ST6GALNAC5: variants seen among roughly 807,000 people sequenced by gnomAD.
ST6GALNAC5 encodes the protein alpha-N-acetylgalactosaminide alpha-2,6-sialyltransferase 5.
In ST6GALNAC5, 27 loss-of-function variants were observed where a neutral mutation model predicts 33.6. The observed-to-expected ratio is 0.80, with a 90% confidence interval of 0.59 to 1.11. The LOEUF is 1.11. Ranked by LOEUF, ST6GALNAC5 falls within the 50% of genes least tolerant of loss-of-function variation. ST6GALNAC5 has a pLI of 0.00. For synonymous variants in ST6GALNAC5, 194 were observed against 171.2 expected (o/e 1.13, Z -1.04); for missense variants, 428 against 454.0 (o/e 0.94, Z 0.52).
rs183457607 is a variant in ST6GALNAC5 at position 76,916,215 on chromosome 1, G to C, written c.261+47473G>C. 2.0e-3 allele frequency among the ~76,000 whole-genome samples: 304 copies of C among 152,256 alleles called. 3 individuals are homozygous for C. Among genetic ancestry groups the C allele is most frequent in the Non-Finnish European group, 9.9e-4 (67 of 68,012 alleles). ...AGTTTGCAGGTAGGAAGCTGGTACG[G>C]ATGACACAACTGGGACAGACTGGAC... is the stretch of plus-strand genomic sequence containing the variant. On this transcript the variant is annotated intron_variant, in intron 2 of 4. Transcript: ENST00000477717.
At chr1:76,908,773 A>G (rs1646886443) in intron 2 of ST6GALNAC5, among the ~76,000 whole-genome samples, 1 of 152,102 alleles carries the variant, frequency 6.6e-6, no homozygotes, top group Non-Finnish European at 1.5e-5. Context: ...TCATCCTTGC[A>G]TCTTCAAAGC....
At chr1:77,002,480 CT>C (rs1650213407) in intron 2 of ST6GALNAC5, among the ~76,000 whole-genome samples, 1 of 151,818 alleles carries the variant, frequency 6.6e-6, no homozygotes, top group South Asian at 2.1e-4. Context: ...TTTTTTGTGT[CT>C]CTATTTCCTT....
chr1:77,039,227 C>T (rs1651754986), intron 2 of ST6GALNAC5, among the ~76,000 whole-genome samples: 1 of 152,216 alleles, frequency 6.6e-6, no homozygotes, highest in Admixed American at 6.5e-5. Context: ...TGTGCATTTT[C>T]CTGGGCATTT....
chr1:77,012,441 G>A (rs780731283), intron 2 of ST6GALNAC5, among the ~76,000 whole-genome samples: 3 of 152,182 alleles, frequency 2.0e-5, no homozygotes, highest in Admixed American at 6.5e-5. Context: ...CCCAACCTGG[G>A]AGTGGGAGGA....
chr1:76,932,250 T>A (rs1248087964), intron 2 of ST6GALNAC5, among the ~76,000 whole-genome samples: 1 of 152,082 alleles, frequency 6.6e-6, no homozygotes, highest in African/African-American at 2.4e-5. Flanking sequence ...AAAGAGTAAT[T>A]GTTAAAGTGA....
intron 2 of ST6GALNAC5, among the ~76,000 whole-genome samples, chr1:76,953,847 A>G (rs1044718206): frequency 3.3e-5 from 5 of 152,114 alleles, no homozygotes; most frequent in African/African-American, 1.2e-4. Flanking sequence ...GTTTTAAATC[A>G]AGGTTCATTT....
At chr1:76,895,626 C>T (rs1024810097) in intron 2 of ST6GALNAC5, among the ~76,000 whole-genome samples, 1 of 152,006 alleles carries the variant, frequency 6.6e-6, no homozygotes, top group African/African-American at 2.4e-5. Context: ...TATTTATTTA[C>T]TTCAAGAGTT....
intron 2 of ST6GALNAC5, among the ~76,000 whole-genome samples, chr1:76,875,664 TG>T (rs1185033894): frequency 2.0e-5 from 3 of 152,148 alleles, no homozygotes; most frequent in East Asian, 3.9e-4. Context: ...GCAAAACTTT[TG>T]CTAGTGGATC....
At chr1:77,041,916 A>G (rs1278417852) in intron 2 of ST6GALNAC5, among the ~76,000 whole-genome samples, 1 of 152,206 alleles carries the variant, frequency 6.6e-6, no homozygotes, top group Non-Finnish European at 1.5e-5. Flanking sequence ...CTGAATTTCT[A>G]AGAGGCAGGA....
intron 4 of ST6GALNAC5, among the ~76,000 whole-genome samples, chr1:77,053,496 T>C (rs576489155): frequency 6.6e-6 from 1 of 152,292 alleles, no homozygotes; most frequent in Admixed American, 6.5e-5. Context: ...CGTAGTGCTA[T>C]AGTAAAGGGT....
chr1:77,038,581 C>T (rs1651733736), intron 2 of ST6GALNAC5, among the ~76,000 whole-genome samples: 1 of 152,198 alleles, frequency 6.6e-6, no homozygotes, highest in African/African-American at 2.4e-5. Context: ...TATTGCCATG[C>T]TGCAAATGTT....
chr1:76,870,874 A>C (rs559419754), intron 2 of ST6GALNAC5, among the ~76,000 whole-genome samples: 31 of 152,330 alleles, frequency 2.0e-4, no homozygotes, highest in Non-Finnish European at 3.8e-4. Flanking sequence ...CAAGCAAAGG[A>C]AGAAAGGCAT....
At chr1:76,916,162 C>CGGA (rs1442559498) in intron 2 of ST6GALNAC5, among the ~76,000 whole-genome samples, 1 of 152,060 alleles carries the variant, frequency 6.6e-6, no homozygotes, top group Non-Finnish European at 1.5e-5. Context: ...TCCTGTACCT[C>CGGA]GGTTCTCTTA....
At chr1:76,985,274 T>G (rs1486061681) in intron 2 of ST6GALNAC5, among the ~76,000 whole-genome samples, 1 of 152,204 alleles carries the variant, frequency 6.6e-6, no homozygotes, top group Non-Finnish European at 1.5e-5. Context: ...CCCCATCATG[T>G]CAGCCCAAAT....
intron 2 of ST6GALNAC5, among the ~76,000 whole-genome samples, chr1:76,900,367 A>C (rs528904924): frequency 2.0e-5 from 3 of 152,174 alleles, no homozygotes; most frequent in African/African-American, 7.2e-5. Flanking sequence ...GATGGCTTAG[A>C]TTGGGCTCAG....
At chr1:76,978,575 G>A (rs1029047985) in intron 2 of ST6GALNAC5, among the ~76,000 whole-genome samples, 6 of 152,132 alleles carry the variant, frequency 3.9e-5, no homozygotes, top group Non-Finnish European at 7.4e-5. Flanking sequence ...AAAATTCAAC[G>A]TCCTTTAACG....
At chr1:76,991,333 T>C (rs1362694344) in intron 2 of ST6GALNAC5, among the ~76,000 whole-genome samples, 1 of 152,104 alleles carries the variant, frequency 6.6e-6, no homozygotes, top group African/African-American at 2.4e-5. Context: ...CCTGAGGCCA[T>C]ATATCAATTA....
chr1:76,869,783 G>T (rs76653772), intron 2 of ST6GALNAC5, among the ~76,000 whole-genome samples: 5,942 of 152,226 alleles, frequency 0.039, 200 homozygotes, highest in African/African-American at 0.088. Context: ...GGATTTGAAA[G>T]GTATAAAAGA....
At chr1:76,893,891 C>T (rs1654066772) in intron 2 of ST6GALNAC5, among the ~76,000 whole-genome samples, 1 of 152,108 alleles carries the variant, frequency 6.6e-6, no homozygotes, top group Non-Finnish European at 1.5e-5. Context: ...GAACTCCTGA[C>T]CTCGTGATCC....
Sources: gnomAD v4.1 joint callset for allele counts (sites outside exome capture counted in the v4.1 genomes callset) on GRCh38, gnomAD v4.1.1 for gene constraint, MANE v1.5 for transcripts, NCBI Gene and HGNC (gene_info 2026-07-23, HGNC 2026-07-21) for gene names.